The following SLC67A2 variants were observed in gnomAD, a reference collection of about 807,000 sequenced individuals.
The protein encoded by SLC67A2 is solute carrier family 67 member A2.
At chr2:102,735,165 A>G in the SLC67A2 span, among the ~76,000 whole-genome samples, 2 of 152,198 alleles carry the variant, frequency 1.3e-5, no homozygotes, top group African/African-American at 4.8e-5. Context: ...ATGAACTACT[A>G]GATTAAAGGA....
At chr2:102,728,882 G>T in the SLC67A2 span, among the ~76,000 whole-genome samples, 7 of 152,140 alleles carry the variant, frequency 4.6e-5, no homozygotes, top group Non-Finnish European at 8.8e-5. Flanking sequence ...AGTCATTAAA[G>T]ACCCATAACC....
chr2:102,736,820 G>C, the SLC67A2 span: 3 of 1,594,150 alleles, frequency 1.9e-6, no homozygotes, highest in South Asian at 2.2e-5. Context: ...TACCCGCGCC[G>C]GCCGGGGGTC....
the SLC67A2 span, among the ~76,000 whole-genome samples, chr2:102,725,148 GCA>G: frequency 6.6e-6 from 1 of 152,098 alleles, no homozygotes; most frequent in African/African-American, 2.4e-5. Flanking sequence ...TCCAACTCAG[GCA>G]CTTAAACCTC....
At chr2:102,724,467 T>C in the SLC67A2 span, among the ~76,000 whole-genome samples, 1 of 152,158 alleles carries the variant, frequency 6.6e-6, no homozygotes, top group Non-Finnish European at 1.5e-5. Flanking sequence ...TGTGAATTTG[T>C]TGAACAAATT....
chr2:102,736,613 G>C, the SLC67A2 span: 1 of 1,613,744 alleles, frequency 6.2e-7, no homozygotes, highest in South Asian at 1.1e-5. Flanking sequence ...AACACAGTCA[G>C]CACTTGCTCC....
At chr2:102,723,733 AGG>A in the SLC67A2 span, 1 of 1,614,212 alleles carries the variant, frequency 6.2e-7, no homozygotes, top group East Asian at 2.2e-5. Context: ...AAGCAGATGA[AGG>A]CTGTGAGATA....
chr2:102,723,843 C>T, the SLC67A2 span: 20 of 1,614,012 alleles, frequency 1.2e-5, no homozygotes, highest in African/African-American at 5.3e-5. Flanking sequence ...TACAAGCGGC[C>T]GTTCCTTCTC....
chr2:102,726,753 C>G, the SLC67A2 span: 1 of 1,497,910 alleles, frequency 6.7e-7, no homozygotes, highest in Non-Finnish European at 8.9e-7. Context: ...AGCAAGACCA[C>G]AGAGGTGGCC....
the SLC67A2 span, chr2:102,731,218 T>G: frequency 3.4e-6 from 2 of 581,770 alleles, no homozygotes; most frequent in Non-Finnish European, 2.9e-6. Flanking sequence ...TTTTTTCTAC[T>G]TGGAAAAATG....
At chr2:102,718,707 A>G in the SLC67A2 span, 6 of 1,613,814 alleles carry the variant, frequency 3.7e-6, no homozygotes, top group Non-Finnish European at 5.1e-6. Flanking sequence ...AGAGTGGAGG[A>G]GAGGACAACT....
the SLC67A2 span, among the ~76,000 whole-genome samples, chr2:102,726,619 C>T: frequency 8.6e-5 from 13 of 151,976 alleles, no homozygotes; most frequent in African/African-American, 2.9e-4. Context: ...CACATGCTCG[C>T]GCACGCACAC....
chr2:102,715,986 A>G, the SLC67A2 span: 1 of 152,182 alleles, frequency 6.6e-6, no homozygotes, highest in Non-Finnish European at 1.5e-5. Context: ...TCTGAGCTGG[A>G]GCTTCAGTGT....
the SLC67A2 span, chr2:102,736,441 C>A: frequency 2.8e-4 from 391 of 1,378,094 alleles, 1 homozygote; most frequent in Non-Finnish European, 7.4e-5. Flanking sequence ...CAAGAGAAAG[C>A]GCGAGGGGCA....
chr2:102,731,213 T>C, the SLC67A2 span: 3 of 585,908 alleles, frequency 5.1e-6, no homozygotes, highest in African/African-American at 1.9e-5. Flanking sequence ...CTTTTTTTTT[T>C]CTACTTGGAA....
the SLC67A2 span, among the ~76,000 whole-genome samples, chr2:102,729,897 A>C: frequency 6.6e-6 from 1 of 152,238 alleles, no homozygotes; most frequent in African/African-American, 2.4e-5. Context: ...TTATTATGGA[A>C]TCTGACTGAA....
the SLC67A2 span, among the ~76,000 whole-genome samples, chr2:102,729,057 C>A: frequency 1.3e-5 from 2 of 152,062 alleles, no homozygotes; most frequent in African/African-American, 4.8e-5. Context: ...AAGATTTGTT[C>A]TCAAAATTAA....
chr2:102,716,010 G>A, the SLC67A2 span: 1 of 152,264 alleles, frequency 6.6e-6, no homozygotes, highest in East Asian at 1.9e-4. Flanking sequence ...CAGGTCTCAG[G>A]TGATGCTGAT....
chr2:102,722,261 C>G, the SLC67A2 span, among the ~76,000 whole-genome samples: 74 of 152,298 alleles, frequency 4.9e-4, no homozygotes, highest in African/African-American at 1.7e-3. Context: ...ATGAATGTGG[C>G]AGGTAGAAGA....
At chr2:102,731,189 A>C in the SLC67A2 span, 16 of 655,522 alleles carry the variant, frequency 2.4e-5, no homozygotes, top group African/African-American at 2.8e-4. Context: ...TTTTTGTTTT[A>C]AATTATCTCA....
Sources: gnomAD v4.1 joint callset for allele counts (sites outside exome capture counted in the v4.1 genomes callset) on GRCh38, gnomAD v4.1.1 for gene constraint, MANE v1.5 for transcripts, NCBI Gene and HGNC (gene_info 2026-07-23, HGNC 2026-07-21) for gene names.